TAOK1: variants seen among roughly 807,000 people sequenced by gnomAD.
TAOK1 encodes TAO kinase 1, also known as serine/threonine-protein kinase TAO1.
In TAOK1, 21 loss-of-function variants were observed where a neutral mutation model predicts 138.3. The ratio of observed to expected loss-of-function variants is 0.15; its 90% CI spans 0.11 to 0.22. The LOEUF is 0.22. Among genes scored for constraint, TAOK1 ranks in the 10% least tolerant of loss-of-function variants. The pLI, the probability that TAOK1 is intolerant of heterozygous loss-of-function variation, is 1.00. For missense variants in TAOK1, 651 were observed against 1,227.7 expected (o/e 0.53, Z 7.02); for synonymous variants, 361 against 398.4 (o/e 0.91, Z 1.12).
At chr17:29,539,809 G>A (rs1205023517) in intron 19 of TAOK1, among the ~76,000 whole-genome samples, 1 of 152,126 alleles carries the variant, frequency 6.6e-6, no homozygotes, top group Non-Finnish European at 1.5e-5. Flanking sequence ...GAGCCTGGGA[G>A]GTGGAGGTTG....
Position 29,508,148 on chromosome 17 carries a change from T to C in TAOK1, c.1575+16T>C. 6.2e-7 allele frequency: 1 copy of C among 1,601,632 alleles called. No individual in the cohort carries two copies. The highest frequency in any genetic ancestry group is 8.6e-7 in the Non-Finnish European group (1 of 1,169,252). On this transcript the variant is annotated intron_variant, in intron 14 of 19. Transcript: ENST00000261716. ...GGAGAAAGAGGTGGCTTATTCAGTA[T>C]TATTACTTTGCTTATTTTAGGTTTT...
At chr17:29,532,013 A>C (rs983079586) in intron 18 of TAOK1, among the ~76,000 whole-genome samples, 1 of 151,946 alleles carries the variant, frequency 6.6e-6, no homozygotes, top group African/African-American at 2.4e-5. Context: ...GGCGCATGCC[A>C]CCAAGCCCAG....
intron 10 of TAOK1, 29 bp from the exon 11 acceptor site, chr17:29,495,531 A>AT (rs749302884): frequency 3.5e-5 from 53 of 1,520,128 alleles, no homozygotes; most frequent in Non-Finnish European, 3.5e-6. Context: ...TGAAAAAAAA[A>AT]TCAACCTTTT....
intron 10 of TAOK1, among the ~76,000 whole-genome samples, chr17:29,492,692 T>C (rs1360290492): frequency 6.6e-6 from 1 of 152,092 alleles, no homozygotes; most frequent in Non-Finnish European, 1.5e-5. Context: ...CTCGGGAGGC[T>C]GAGGCAGGAG....
At chr17:29,515,833 C>T (rs2031804178) in intron 15 of TAOK1, among the ~76,000 whole-genome samples, 1 of 151,100 alleles carries the variant, frequency 6.6e-6, no homozygotes, top group South Asian at 2.1e-4. Context: ...AAGACTCTGT[C>T]TCAAAAAAAA....
chr17:29,542,974 G>A lies in TAOK1; in HGVS notation c.2958G>A (p.Thr986=), dbSNP rs759973759. The A allele has an allele frequency of 7.5e-6, 12 of 1,609,530 alleles. No homozygotes were observed. Among genetic ancestry groups the A allele is most frequent in the African/African-American group, 2.7e-5 (2 of 74,894 alleles). ...GRTEQGMSRS[T]SVTSQISNGS... is the part of the protein sequence containing the mutation. ...CGGAGCAGGGCATGAGCAGAAGCAC[G>A]AGTGTCACTTCACAAATATCCAATG... The change falls in exon 20 of 20, where the codon ACG becomes ACA. Residue 986 remains threonine (T), a synonymous_variant. Coordinates refer to ENST00000261716, the MANE Select transcript of TAOK1 (RefSeq NM_020791.4).
chr17:29,466,735 G>A (rs12103638), intron 2 of TAOK1, among the ~76,000 whole-genome samples: 3,409 of 152,112 alleles, frequency 0.022, 130 homozygotes, highest in African/African-American at 0.078. Context: ...TGCCATCATT[G>A]TTTTACTCAT....
intron 3 of TAOK1, among the ~76,000 whole-genome samples, chr17:29,474,074 T>C (rs147168007): frequency 3.2e-3 from 488 of 152,262 alleles, no homozygotes; most frequent in African/African-American, 0.011. Context: ...TTTCTTTCCT[T>C]AAACCTGATG....
At chr17:29,425,057 A>G (rs912256594) in intron 1 of TAOK1, among the ~76,000 whole-genome samples, 8 of 152,310 alleles carry the variant, frequency 5.3e-5, no homozygotes, top group African/African-American at 1.9e-4. Flanking sequence ...CATTAAATTT[A>G]TTAGTAAATA....
At chr17:29,542,079 A>G (rs1298277046) in intron 19 of TAOK1, among the ~76,000 whole-genome samples, 1 of 151,964 alleles carries the variant, frequency 6.6e-6, no homozygotes, top group African/African-American at 2.4e-5. Context: ...GGGTTTCACC[A>G]TGTTAGCCAG....
At chr17:29,412,473 A>G (rs572724521) in intron 1 of TAOK1, among the ~76,000 whole-genome samples, 3 of 88,692 alleles carry the variant, frequency 3.4e-5, no homozygotes, top group East Asian at 6.7e-4. Context: ...GTTGTCCCCA[A>G]CTGCTTCAGC....
chr17:29,531,576 A>G (rs2032109800), intron 18 of TAOK1, among the ~76,000 whole-genome samples: 1 of 151,944 alleles, frequency 6.6e-6, no homozygotes, highest in Non-Finnish European at 1.5e-5. Context: ...CAGCCTGCCC[A>G]ACATGGCGAA....
At chr17:29,491,706 T>G in intron 9 of TAOK1, 78 bp from the exon 10 acceptor site, 1 of 986,586 alleles carries the variant, frequency 1.0e-6, no homozygotes, top group Non-Finnish European at 1.6e-6. Context: ...CTCCCACCAA[T>G]AGGCACGTGT....
rs146410053 is a variant in TAOK1 at position 29,502,683 on chromosome 17, G to A, written c.1298G>A (p.Arg433His). 2.8e-4 allele frequency: 448 copies of A among 1,613,514 alleles called. No individual in the cohort carries two copies. In the African/African-American group the frequency reaches 4.8e-3, roughly 17 times the overall value. ...PQVSRHKSHY[R>H]NREHFATIRT... ...GTATCTCGTCACAAATCACACTATC[G>A]TAATCGAGAACACTTTGCTACTATA... The change falls in exon 13 of 20, where the codon CGT (arginine) becomes CAT (histidine). Residue 433 changes from arginine to histidine, a missense_variant. Around this residue, in one of 8 missense-constraint regions of TAOK1, gnomAD observed 104 missense variants for 151.7 expected, o/e 0.69. Transcript: ENST00000261716.
intron 17 of TAOK1, among the ~76,000 whole-genome samples, chr17:29,522,800 TGCA>T (rs1375737564): frequency 1.3e-5 from 2 of 152,092 alleles, no homozygotes; most frequent in Non-Finnish European, 2.9e-5. Context: ...AAGGGCAGGG[TGCA>T]GTGGCTCACG....
intron 3 of TAOK1, 54 bp from the exon 4 acceptor site, chr17:29,475,616 A>C: frequency 1.7e-6 from 2 of 1,197,634 alleles, no homozygotes; most frequent in Non-Finnish European, 1.2e-6. Flanking sequence ...ATTCTTATAT[A>C]ACTTTCTGAG....
intron 17 of TAOK1, among the ~76,000 whole-genome samples, chr17:29,522,950 C>T (rs1264315530): frequency 6.6e-6 from 1 of 151,994 alleles, no homozygotes; most frequent in African/African-American, 2.4e-5. Flanking sequence ...CGGCACATGC[C>T]TATAGTCCCA....
At chr17:29,470,823 AT>A (rs1267219021) in intron 3 of TAOK1, among the ~76,000 whole-genome samples, 1 of 152,224 alleles carries the variant, frequency 6.6e-6, no homozygotes, top group African/African-American at 2.4e-5. Context: ...TGCCCAGTGC[AT>A]ATGAAAATTA....
chr17:29,460,046 A>G (rs1355009684), intron 2 of TAOK1, among the ~76,000 whole-genome samples: 2 of 152,226 alleles, frequency 1.3e-5, no homozygotes, highest in African/African-American at 4.8e-5. Flanking sequence ...AGGCCTGCCT[A>G]TATGATCTAC....
Sources: allele counts gnomAD v4.1 joint callset (sites outside exome capture counted in the v4.1 genomes callset), GRCh38; gene constraint gnomAD v4.1.1; regional missense constraint gnomAD v4.1.1; transcripts MANE v1.5; gene names NCBI Gene and HGNC (gene_info 2026-07-23, HGNC 2026-07-21).